STK3: variants seen among roughly 807,000 people sequenced by gnomAD.
STK3 encodes serine/threonine-protein kinase 3.
A neutral mutation model predicts 58.0 loss-of-function variants in STK3; 41 were observed. The ratio of observed to expected loss-of-function variants is 0.71; its 90% CI spans 0.55 to 0.92. The LOEUF is 0.92. Among genes scored for constraint, STK3 ranks in the 40% least tolerant of loss-of-function variants. STK3 has a pLI of 0.00. For missense variants in STK3, 479 were observed against 602.7 expected, an observed-to-expected ratio of 0.79 and a Z score of 2.15; for synonymous variants, 170 against 191.0, an observed-to-expected ratio of 0.89 and a Z score of 0.91.
chr8:98,803,593 C>CAAAAAAAAAAAAAAAAAAAAAAA (rs34316563), intron 1 of STK3, among the ~76,000 whole-genome samples: 1 of 38,852 alleles, frequency 2.6e-5, no homozygotes, highest in Admixed American at 2.9e-4. Context: ...GACTCTGTTT[C>CAAAAAAAAAAAAAAAAAAAAAAA]AAAAAAAAAA....
In STK3 at chr8:98,525,230, C is replaced by T. The variant is rs527718206; in HGVS notation, c.1317+1512G>A. 4.7e-4 allele frequency among the ~76,000 whole-genome samples: 72 copies of T among 152,098 alleles called. 1 individual carries two copies. Among genetic ancestry groups the T allele is most frequent in the African/African-American group, 1.5e-3 (62 of 41,504 alleles). Reference sequence around the variant, plus strand: ...GTAGGAGCTAAACAATGTGTACACACGGACACAGAGTGCGGAATAATAGAC... The same window carrying T: ...GTAGGAGCTAAACAATGTGTACACATGGACACAGAGTGCGGAATAATAGAC... On this transcript the variant is annotated intron_variant, in intron 10 of 10. Transcript: ENST00000419617.
chr8:98,749,499 A>G, intron 3 of STK3, 109 bp from the exon 4 acceptor site: 1 of 503,012 alleles, frequency 2.0e-6, no homozygotes, highest in Non-Finnish European at 3.5e-6. Flanking sequence ...AATAAGTTAA[A>G]TAAGTAAATT....
At chr8:98,409,049 CCT>C (rs1818028334) in intron 3 of STK3, among the ~76,000 whole-genome samples, 2 of 152,314 alleles carry the variant, frequency 1.3e-5, no homozygotes, top group South Asian at 2.1e-4. Flanking sequence ...CCTCTACTTG[CCT>C]CTCTCTTCTC....
intron 3 of STK3, among the ~76,000 whole-genome samples, chr8:98,433,875 C>T (rs1451246146): frequency 6.6e-6 from 1 of 152,214 alleles, no homozygotes; most frequent in African/African-American, 2.4e-5. Context: ...AAATCATCAG[C>T]TTGTCTCCTT....
At chr8:98,926,312 G>A (rs1839792834) in intron 1 of STK3, among the ~76,000 whole-genome samples, 1 of 151,998 alleles carries the variant, frequency 6.6e-6, no homozygotes, top group South Asian at 2.1e-4. Context: ...TCTTATATTT[G>A]GGGAATCATT....
intron 6 of STK3, among the ~76,000 whole-genome samples, chr8:98,629,648 A>T (rs2130487441): frequency 6.6e-6 from 1 of 152,328 alleles, no homozygotes; most frequent in South Asian, 2.1e-4. Flanking sequence ...TGACCAGACC[A>T]ATGGAGGGCA....
chr8:98,901,648 T>C (rs569767817), intron 1 of STK3, among the ~76,000 whole-genome samples: 1 of 152,368 alleles, frequency 6.6e-6, no homozygotes, highest in East Asian at 1.9e-4. Flanking sequence ...GTGTGGGCTG[T>C]GCCCACCTGC....
chr8:98,771,443 C>A (rs965520317), intron 2 of STK3, among the ~76,000 whole-genome samples: 5 of 152,210 alleles, frequency 3.3e-5, no homozygotes, highest in Non-Finnish European at 7.3e-5. Context: ...ATTTCTCTAT[C>A]ACTGGCTATA....
At chr8:98,880,174 C>T (rs949833589), downstream of STK3, 12 of 152,182 alleles carry the variant, frequency 7.9e-5, no homozygotes, top group African/African-American at 2.9e-4. Context: ...AGGAGAATCG[C>T]TTGAACCTAG....
chr8:98,357,224 A>T, the STK3 span, among the ~76,000 whole-genome samples: 1 of 152,134 alleles, frequency 6.6e-6, no homozygotes, highest in East Asian at 1.9e-4. Flanking sequence ...AGAGATGCAA[A>T]TTGGGTCTCC....
chr8:98,611,754 A>G (rs1239599880), intron 6 of STK3, among the ~76,000 whole-genome samples: 1 of 152,152 alleles, frequency 6.6e-6, no homozygotes, highest in Non-Finnish European at 1.5e-5. Context: ...AACTCAACCC[A>G]AAGAATCTGG....
At chr8:98,747,262 TAAC>T (rs1185214980) in intron 4 of STK3, among the ~76,000 whole-genome samples, 2 of 151,842 alleles carry the variant, frequency 1.3e-5, no homozygotes, top group South Asian at 2.1e-4. Flanking sequence ...CAATATAAAA[TAAC>T]AAGAATTCCA....
At chr8:98,561,768 C>A (rs1812053513) in intron 8 of STK3, among the ~76,000 whole-genome samples, 1 of 152,106 alleles carries the variant, frequency 6.6e-6, no homozygotes, top group Non-Finnish European at 1.5e-5. Context: ...TAAATACTTA[C>A]TTTATAAAGG....
chr8:98,640,915 A>G lies in STK3; in HGVS notation c.685-44746T>C, dbSNP rs148361211. Among the ~76,000 whole-genome samples the G allele has an allele frequency of 7.1e-4, 107 of 151,058 alleles. No individual in the cohort carries two copies. In the East Asian group the frequency reaches 0.019, roughly 27 times the overall value. On this transcript the variant is annotated intron_variant, in intron 6 of 10. Coordinates refer to ENST00000419617, the MANE Select transcript of STK3 (RefSeq NM_006281.4). ...CCAGTCTTAAATATTTAAGAGTATA[A>G]TATGTTTATACTACTATATTTATAT...
chr8:98,381,220 C>T (rs1022453547), intron 1 of STK3, among the ~76,000 whole-genome samples: 2 of 152,088 alleles, frequency 1.3e-5, no homozygotes, highest in African/African-American at 2.4e-5. Context: ...ATCCACCTGC[C>T]TCAGCCTCCC....
chr8:98,638,808 AG>A (rs1819803123), intron 6 of STK3, among the ~76,000 whole-genome samples: 1 of 152,166 alleles, frequency 6.6e-6, no homozygotes, highest in Non-Finnish European at 1.5e-5. Context: ...TAGAGCACAG[AG>A]GGGGTGGTTT....
chr8:98,466,044 T>C (rs1220371066), intron 10 of STK3, among the ~76,000 whole-genome samples: 5 of 152,212 alleles, frequency 3.3e-5, no homozygotes, highest in Admixed American at 1.3e-4. Flanking sequence ...TCTTTCTGGA[T>C]CTATTAAGGG....
intron 3 of STK3, chr8:98,412,910 G>T: frequency 3.8e-6 from 1 of 262,366 alleles, no homozygotes; most frequent in Non-Finnish European, 7.2e-6. Flanking sequence ...TTCACTATCT[G>T]AACTTTCTTC....
chr8:98,424,278 GA>G (rs1237699558), intron 3 of STK3, among the ~76,000 whole-genome samples: 2 of 152,246 alleles, frequency 1.3e-5, no homozygotes, highest in Non-Finnish European at 2.9e-5. Context: ...GCCATTCAAG[GA>G]AAGGTGAGCA....
Sources: allele counts gnomAD v4.1 joint callset (sites outside exome capture counted in the v4.1 genomes callset), GRCh38; gene constraint gnomAD v4.1.1; transcripts MANE v1.5; gene names NCBI Gene and HGNC (gene_info 2026-07-23, HGNC 2026-07-21).